The following RAB4B variants were observed in gnomAD, a reference collection of about 807,000 sequenced individuals.
RAB4B encodes the protein RAB4B, member RAS oncogene family, also known as ras-related protein Rab-4B.
Under a neutral mutation model 28.3 loss-of-function variants are expected in RAB4B, and 15 were observed. That is an observed-to-expected ratio of 0.53 (90% CI 0.35 to 0.82). The LOEUF (loss-of-function observed/expected upper bound fraction) is 0.82. Ranked by LOEUF, RAB4B falls within the 40% of genes least tolerant of loss-of-function variation. The probability of loss-of-function intolerance (pLI) is 0.01; values close to 1 mark genes in which losing one functional copy is unlikely to be tolerated. For missense variants in RAB4B, 244 were observed against 288.5 expected (o/e 0.85, Z 1.12); for synonymous variants, 108 against 116.3 (o/e 0.93, Z 0.46).
At chr19:40,779,983 C>T (rs2083031719) in intron 1 of RAB4B, 36 bp from the exon 2 acceptor site, 1 of 1,609,954 alleles carries the variant, frequency 6.2e-7, no homozygotes, top group South Asian at 1.1e-5. Flanking sequence ...CTTTCTCTCC[C>T]TGTGGGTATC....
At chr19:40,783,128 CAA>C (rs1381345619) in intron 3 of RAB4B, among the ~76,000 whole-genome samples, 1 of 98,886 alleles carries the variant, frequency 1.0e-5, no homozygotes, top group African/African-American at 4.0e-5. Context: ...GCCTGGGAGA[CAA>C]GAGTGAGATT....
At chr19:40,779,943 T>C (rs776660690) in intron 1 of RAB4B, 76 bp from the exon 2 acceptor site, 1 of 1,609,008 alleles carries the variant, frequency 6.2e-7, no homozygotes, top group Non-Finnish European at 8.5e-7. Context: ...AGAGAGAGAT[T>C]GGATTGGAAT....
chr19:40,778,320 A>T lies in RAB4B; in HGVS notation c.-56A>T. ...GCCGGAGTGGAGCGGCTGCCAGCCG[A>T]GGAGCAGGCGCGGCCGCGGCGCCAT... On this transcript the variant is annotated 5_prime_UTR_variant, in exon 1 of 8. Coordinates refer to ENST00000357052, the MANE Select transcript of RAB4B (RefSeq NM_016154.5). The T allele has an allele frequency of 6.8e-7, 1 of 1,479,862 alleles. No individual in the cohort carries two copies. The highest frequency in any genetic ancestry group is 8.9e-7 in the Non-Finnish European group (1 of 1,117,660). The allele number at this position is 1,479,862 out of a possible 1,614,324, so 91.7% of individuals were successfully genotyped here. A position where few individuals can be genotyped will look rare whatever the true frequency, so the allele number is the denominator to read the frequency against.
rs541007142 is a variant in RAB4B, at chr19:40,793,392, G to A, written c.*16-3178G>A. Among the ~76,000 whole-genome samples, 5 of 151,410 alleles carry A rather than the reference G, an allele frequency of 3.3e-5. No individual in the cohort carries two copies. In the East Asian group the frequency reaches 7.8e-4, roughly 24 times the overall value. Reference sequence around the variant, plus strand: ...TGGGACTACTGGTGTGCACCACCACGCCCAGCTAATTTTTATATTTGTATT... The same window carrying A: ...TGGGACTACTGGTGTGCACCACCACACCCAGCTAATTTTTATATTTGTATT... On this transcript the variant is annotated intron_variant, in intron 7 of 7. Transcript: ENST00000357052.
At chr19:40,789,391 G>T (rs1362459424) in intron 7 of RAB4B, among the ~76,000 whole-genome samples, 1 of 150,660 alleles carries the variant, frequency 6.6e-6, no homozygotes, top group East Asian at 2.0e-4. Context: ...TAGTAGAGAC[G>T]GGGTTTCTCC....
At chr19:40,792,590 T>A (rs1326688380) in intron 7 of RAB4B, 1 of 152,214 alleles carries the variant, frequency 6.6e-6, no homozygotes, top group East Asian at 1.9e-4. Context: ...CTGTAGCAGA[T>A]CCCACCCACA....
At chr19:40,787,356 G>A (rs2083110323) in intron 7 of RAB4B, among the ~76,000 whole-genome samples, 3 of 152,114 alleles carry the variant, frequency 2.0e-5, no homozygotes, top group Admixed American at 1.3e-4. Context: ...CCAACATGGT[G>A]AAGCCCCCTC....
At chr19:40,789,079 G>A (rs758569453) in intron 7 of RAB4B, among the ~76,000 whole-genome samples, 5 of 151,432 alleles carry the variant, frequency 3.3e-5, no homozygotes, top group Non-Finnish European at 5.9e-5. Flanking sequence ...GCACCTGGCC[G>A]ACACAGGGTT....
intron 5 of RAB4B, chr19:40,786,200 T>A: frequency 6.7e-6 from 1 of 149,686 alleles, no homozygotes; most frequent in East Asian, 1.8e-4. Flanking sequence ...GGCTCAGGGG[T>A]GGAATGGGGC....
rs1348673277 is a variant in RAB4B, at chr19:40,786,694, A to G, written c.460A>G (p.Thr154Ala). The G allele has an allele frequency of 4.3e-6, 7 of 1,614,106 alleles. No individual in the cohort carries two copies. Among genetic ancestry groups the G allele is most frequent in the Non-Finnish European group, 5.9e-6 (7 of 1,179,984 alleles). ...GATGTTCCTGGAGACCAGCGCTCTC[A>G]CAGGCGAGAACGTGGAGGAGGCGTT... ...ELMFLETSAL[T>A]GENVEEAFLK... Residue 154 changes from threonine (T) to alanine (A), a missense_variant, in exon 6 of 8, where the codon ACA becomes GCA. By Grantham distance (58) the Thr-to-Ala change is moderately conservative (BLOSUM62 0). Transcript: ENST00000357052.
intron 7 of RAB4B, among the ~76,000 whole-genome samples, chr19:40,793,580 T>TG (rs2083179667): frequency 2.1e-5 from 3 of 142,420 alleles, no homozygotes; most frequent in African/African-American, 7.6e-5. Context: ...TTGTTTTTTT[T>TG]TTTTTTTTTT....
At chr19:40,796,381 G>T (rs533854666) in intron 7 of RAB4B, 189 bp from the exon 8 acceptor site, 11 of 152,456 alleles carry the variant, frequency 7.2e-5, no homozygotes, top group African/African-American at 2.6e-4. Context: ...GGAGATGCAG[G>T]TACCCTCAGC....
At chr19:40,780,625 C>T (rs567753591) in intron 3 of RAB4B, 126 bp downstream of exon 3, 21 of 729,042 alleles carry the variant, frequency 2.9e-5, no homozygotes, top group South Asian at 8.7e-5. Flanking sequence ...GATGAGACAC[C>T]GTAGTTAGCA....
chr19:40,779,775 C>T (rs2083029661), intron 1 of RAB4B: 1 of 989,316 alleles, frequency 1.0e-6, no homozygotes, highest in South Asian at 2.3e-5. Context: ...AAAAAAACCC[C>T]TGCACATGTA....
chr19:40,781,768 T>C (rs1458747040), intron 3 of RAB4B, among the ~76,000 whole-genome samples: 1 of 152,008 alleles, frequency 6.6e-6, no homozygotes, highest in Non-Finnish European at 1.5e-5. Context: ...ATGCCTGTAA[T>C]TCCAGCATTT....
intron 7 of RAB4B, among the ~76,000 whole-genome samples, chr19:40,788,656 G>A (rs1291463636): frequency 1.3e-5 from 2 of 150,454 alleles, no homozygotes; most frequent in African/African-American, 4.9e-5. Flanking sequence ...GCGTGATCTC[G>A]GCTCACTGAA....
intron 7 of RAB4B, among the ~76,000 whole-genome samples, chr19:40,791,434 G>A (rs1489728579): frequency 6.6e-6 from 1 of 152,070 alleles, no homozygotes; most frequent in Non-Finnish European, 1.5e-5. Context: ...CCTCTGCAGG[G>A]ACTGGCCCCT....
rs113559001 is a variant in RAB4B, at chr19:40,779,826, A to C, written c.17-193A>C. ...ATAAAAGTTGAAAAAAAATATATAGAATGTGCCTGGCACATGGCAAGTACT... is the reference window on the plus strand; with the variant it reads ...ATAAAAGTTGAAAAAAAATATATAGCATGTGCCTGGCACATGGCAAGTACT... On this transcript the variant is annotated intron_variant, in intron 1 of 7. Transcript: ENST00000357052. 6.0e-6 allele frequency: 8 copies of C among 1,337,970 alleles called. No homozygotes were observed. The African/African-American group carries it at 8.9e-5, about 15-fold the overall frequency. 82.9% of individuals were successfully genotyped at this position (1,337,970 alleles called of 1,614,324 possible).
At position 40,780,002 on chromosome 19, in the gene RAB4B, T is replaced by G. The variant is rs1425577785; in HGVS notation, c.17-17T>G. On this transcript the variant is annotated splice_polypyrimidine_tract_variant and intron_variant, in intron 1 of 7. Transcript: ENST00000357052. The stretch of plus-strand genomic sequence containing the variant: ...CTCTCCCTGTGGGTATCCCTGATTT[T>G]GGCTCCATCTGGTCAGACTTCCTCT... The G allele has an allele frequency of 6.2e-7, 1 of 1,611,590 alleles. No homozygotes were observed. Among genetic ancestry groups the G allele is most frequent in the South Asian group, 1.1e-5 (1 of 91,040 alleles).
Sources: gnomAD v4.1 joint callset for allele counts (sites outside exome capture counted in the v4.1 genomes callset) on GRCh38, gnomAD v4.1.1 for gene constraint, MANE v1.5 for transcripts, NCBI Gene and HGNC (gene_info 2026-07-23, HGNC 2026-07-21) for gene names.